Variants in KCNB2 observed in about 807,000 individuals in gnomAD.
The protein encoded by KCNB2 is delayed rectifier potassium channel protein.
Under a neutral mutation model 61.5 loss-of-function variants are expected in KCNB2, and 15 were observed. That is an observed-to-expected ratio of 0.24 (90% CI 0.16 to 0.38). KCNB2 has a LOEUF of 0.38. Among genes scored for constraint, KCNB2 ranks in the 10% least tolerant of loss-of-function variants. The probability of loss-of-function intolerance (pLI) is 1.00; values close to 1 mark genes in which losing one functional copy is unlikely to be tolerated. For missense variants in KCNB2, 828 were observed against 1,125.2 expected (o/e 0.74, Z 3.78); for synonymous variants, 457 against 446.0 (o/e 1.02, Z -0.31).
chr8:72,849,845 GACTTTGACTCCAAA>G (rs2129003229), intron 2 of KCNB2, among the ~76,000 whole-genome samples: 1 of 152,242 alleles, frequency 6.6e-6, no homozygotes, highest in South Asian at 2.1e-4. Flanking sequence ...ATCCTTCTAA[GACTTTGACTCCAAA>G]ACCTAACATC....
At chr8:72,642,102 T>A (rs1585802058) in intron 2 of KCNB2, among the ~76,000 whole-genome samples, 1 of 152,254 alleles carries the variant, frequency 6.6e-6, no homozygotes, top group East Asian at 1.9e-4. Flanking sequence ...TTGTTCAGTA[T>A]GGCAGGTGGC....
chr8:72,733,415 A>G (rs1807783864), intron 2 of KCNB2, among the ~76,000 whole-genome samples: 1 of 152,124 alleles, frequency 6.6e-6, no homozygotes, highest in South Asian at 2.1e-4. Flanking sequence ...TCTTGACCAA[A>G]CAGGAGGCAG....
At chr8:72,668,900 A>G (rs551331479) in intron 2 of KCNB2, among the ~76,000 whole-genome samples, 2 of 151,944 alleles carry the variant, frequency 1.3e-5, no homozygotes, top group South Asian at 4.2e-4. Context: ...GGAAGCTGTT[A>G]TTTTTATATT....
chr8:72,547,583 A>G (rs1806277878), intron 1 of KCNB2, among the ~76,000 whole-genome samples: 1 of 152,234 alleles, frequency 6.6e-6, no homozygotes, highest in African/African-American at 2.4e-5. Context: ...GAAGAAAATA[A>G]CTGCACATAT....
At chr8:72,622,037 T>C (rs921731737) in intron 2 of KCNB2, among the ~76,000 whole-genome samples, 2 of 152,210 alleles carry the variant, frequency 1.3e-5, no homozygotes, top group African/African-American at 2.4e-5. Flanking sequence ...AATCAATTTT[T>C]AAAAAATCGT....
At chr8:72,721,341 G>A (rs1807545561) in intron 2 of KCNB2, among the ~76,000 whole-genome samples, 1 of 152,214 alleles carries the variant, frequency 6.6e-6, no homozygotes, top group African/African-American at 2.4e-5. Flanking sequence ...GTGGAAATGA[G>A]TTCAGTGTGC....
At chr8:72,933,532 T>G (rs995608297) in intron 2 of KCNB2, among the ~76,000 whole-genome samples, 6 of 152,198 alleles carry the variant, frequency 3.9e-5, no homozygotes, top group Non-Finnish European at 8.8e-5. Flanking sequence ...ATGGCAGTAA[T>G]CCCAATACTT....
chr8:72,656,866 C>T (rs1401730546), intron 2 of KCNB2, among the ~76,000 whole-genome samples: 1 of 152,058 alleles, frequency 6.6e-6, no homozygotes, highest in African/African-American at 2.4e-5. Flanking sequence ...TTAGGACCAG[C>T]AGCTCACTTT....
At chr8:72,866,082 T>C (rs1805512029) in intron 2 of KCNB2, among the ~76,000 whole-genome samples, 1 of 152,212 alleles carries the variant, frequency 6.6e-6, no homozygotes, top group Non-Finnish European at 1.5e-5. Context: ...ATTCAGATGT[T>C]GGAAATGAGG....
At chr8:72,871,060 C>G (rs1805607367) in intron 2 of KCNB2, among the ~76,000 whole-genome samples, 1 of 152,156 alleles carries the variant, frequency 6.6e-6, no homozygotes, top group South Asian at 2.1e-4. Context: ...GTTCCCCCCA[C>G]CAACGTACTA....
rs528258851 is a variant in KCNB2 at position 72,818,969 on chromosome 8, G to A, written c.580-116966G>A. On this transcript the variant is annotated intron_variant, in intron 2 of 2. Coordinates refer to ENST00000523207, the MANE Select transcript of KCNB2 (RefSeq NM_004770.3). ...ACCAGTTGTGTAAAACCATTCTTTC[G>A]TGTCTCAGATTCACCATTATTTATT... Among the ~76,000 whole-genome samples the A allele has an allele frequency of 7.9e-5, 12 of 152,050 alleles. No homozygotes were observed. The South Asian group carries it at 8.3e-4, about 11-fold the overall frequency.
intron 2 of KCNB2, among the ~76,000 whole-genome samples, chr8:72,920,241 A>C (rs1339953610): frequency 6.6e-6 from 1 of 151,732 alleles, no homozygotes; most frequent in African/African-American, 2.4e-5. Flanking sequence ...AAAAAAACCC[A>C]CATATTTAGA....
intron 2 of KCNB2, among the ~76,000 whole-genome samples, chr8:72,715,959 A>G (rs1324481912): frequency 2.0e-5 from 3 of 152,242 alleles, no homozygotes; most frequent in Admixed American, 6.5e-5. Context: ...AATAGATGCA[A>G]TAAAAAATGA....
At chr8:72,929,224 A>G (rs34706671) in intron 2 of KCNB2, among the ~76,000 whole-genome samples, 64,948 of 151,920 alleles carry the variant, frequency 0.43, 15,387 homozygotes, top group East Asian at 0.89. Context: ...CCACCACAAA[A>G]CGTCCATTAT....
intron 2 of KCNB2, among the ~76,000 whole-genome samples, chr8:72,696,807 A>G (rs991244450): frequency 4.6e-5 from 7 of 152,278 alleles, no homozygotes; most frequent in Middle Eastern, 3.4e-3. Context: ...ATTTTCATCC[A>G]TTATTGTTTT....
intron 2 of KCNB2, among the ~76,000 whole-genome samples, chr8:72,626,425 G>A (rs1805790521): frequency 6.6e-6 from 1 of 152,076 alleles, no homozygotes; most frequent in Non-Finnish European, 1.5e-5. Flanking sequence ...AATATATTTG[G>A]GCAGCTTATA....
At chr8:72,825,763 G>A (rs1048318220) in intron 2 of KCNB2, among the ~76,000 whole-genome samples, 13 of 151,756 alleles carry the variant, frequency 8.6e-5, no homozygotes, top group Admixed American at 7.2e-4. Flanking sequence ...TTTAATTGTC[G>A]AGTTATAGAG....
intron 2 of KCNB2, among the ~76,000 whole-genome samples, chr8:72,862,845 C>A (rs1346768159): frequency 6.6e-6 from 1 of 152,156 alleles, no homozygotes; most frequent in Non-Finnish European, 1.5e-5. Context: ...GTGGTTCTGG[C>A]AGCTTTACAG....
intron 2 of KCNB2, among the ~76,000 whole-genome samples, chr8:72,642,205 C>A (rs1806066512): frequency 6.6e-6 from 1 of 152,012 alleles, no homozygotes; most frequent in African/African-American, 2.4e-5. Context: ...ATTTTAGAAA[C>A]TTAATGTAAA....
Sources: gnomAD v4.1 joint callset for allele counts (sites outside exome capture counted in the v4.1 genomes callset) on GRCh38, gnomAD v4.1.1 for gene constraint, MANE v1.5 for transcripts, NCBI Gene and HGNC (gene_info 2026-07-23, HGNC 2026-07-21) for gene names.